Variants in PTPRR observed in about 807,000 individuals in gnomAD.
PTPRR encodes protein tyrosine phosphatase receptor type R, also known as receptor-type tyrosine-protein phosphatase R.
Under a neutral mutation model 77.2 loss-of-function variants are expected in PTPRR, and 38 were observed. The observed-to-expected ratio is 0.49, with a 90% confidence interval of 0.38 to 0.65. The LOEUF is 0.65. PTPRR is among the 30% of genes least tolerant of loss of function. The pLI is 0.00. For synonymous variants in PTPRR, 299 were observed against 283.1 expected (o/e 1.06, Z -0.57); for missense variants, 744 against 799.2 (o/e 0.93, Z 0.83).
intron 8 of PTPRR, among the ~76,000 whole-genome samples, chr12:70,693,528 T>TTG (rs1452912225): frequency 1.3e-5 from 2 of 152,026 alleles, no homozygotes; most frequent in East Asian, 3.9e-4. Flanking sequence ...TAAACTTTTT[T>TTG]TGTGTGTGTG....
chr12:70,739,641 A>G (rs1889981830), intron 6 of PTPRR, among the ~76,000 whole-genome samples: 1 of 152,160 alleles, frequency 6.6e-6, no homozygotes, highest in South Asian at 2.1e-4. Context: ...CACAAGACAA[A>G]CCACTTAAAA....
At chr12:70,917,616 T>C (rs1411641230) in intron 1 of PTPRR, among the ~76,000 whole-genome samples, 1 of 152,068 alleles carries the variant, frequency 6.6e-6, no homozygotes, top group Non-Finnish European at 1.5e-5. Flanking sequence ...CACTCCTCAT[T>C]TTTCTCCCAC....
chr12:70,895,200 C>G (rs1171495698), intron 1 of PTPRR, among the ~76,000 whole-genome samples: 1 of 151,542 alleles, frequency 6.6e-6, no homozygotes, highest in African/African-American at 2.4e-5. Context: ...ACTCTGGATT[C>G]TCTATAAATA....
At chr12:70,699,423 CAGAG>C (rs1348444814) in intron 7 of PTPRR, among the ~76,000 whole-genome samples, 6 of 152,028 alleles carry the variant, frequency 3.9e-5, no homozygotes, top group Non-Finnish European at 7.4e-5. Context: ...GCTTGTTCTA[CAGAG>C]AGAAACAGCT....
intron 1 of PTPRR, among the ~76,000 whole-genome samples, chr12:70,913,464 G>T (rs1388369970): frequency 6.6e-6 from 1 of 152,094 alleles, no homozygotes; most frequent in Admixed American, 6.5e-5. Flanking sequence ...AGTAATCAGG[G>T]TTAGGAGTTC....
intron 10 of PTPRR, among the ~76,000 whole-genome samples, chr12:70,665,781 G>C (rs986988753): frequency 6.7e-6 from 1 of 148,998 alleles, no homozygotes; most frequent in Non-Finnish European, 1.5e-5. Flanking sequence ...TAGTTGTTTA[G>C]TTGCCTGAAA....
At chr12:70,757,337 T>C (rs1232949534) in intron 4 of PTPRR, among the ~76,000 whole-genome samples, 1 of 152,204 alleles carries the variant, frequency 6.6e-6, no homozygotes, top group East Asian at 1.9e-4. Context: ...ACAAAATTCC[T>C]GAATCATTTT....
At chr12:70,697,853 A>T (rs868701188) in intron 8 of PTPRR, among the ~76,000 whole-genome samples, 16 of 152,176 alleles carry the variant, frequency 1.1e-4, no homozygotes, top group Non-Finnish European at 8.8e-5. Context: ...AATGTGTGGC[A>T]CAACAAAATT....
intron 10 of PTPRR, among the ~76,000 whole-genome samples, chr12:70,664,042 G>A (rs1360456043): frequency 6.6e-6 from 1 of 152,130 alleles, no homozygotes; most frequent in East Asian, 1.9e-4. Context: ...CTAGCACAGC[G>A]AAGGAAGTCA....
rs1259203203 is a variant in PTPRR, at chr12:70,754,206, T to A, written c.723A>T (p.Ile241=). ...VVIFLSIFVI[I]VTCLMILYRL... Reference sequence around the variant, plus strand: ...GCAAACTTACCATCAAACACGTTACTATAATAACAAAGATGCTGAGAAAAA... The same window carrying A: ...GCAAACTTACCATCAAACACGTTACAATAATAACAAAGATGCTGAGAAAAA... The change falls in exon 5 of 14, where the codon ATA becomes ATT. Residue 241 remains isoleucine (I), a synonymous_variant. Coordinates refer to ENST00000283228, the MANE Select transcript of PTPRR (RefSeq NM_002849.4). The A allele has an allele frequency of 6.2e-7, 1 of 1,613,370 alleles. No individual in the cohort carries two copies. Among genetic ancestry groups the A allele is most frequent in the South Asian group, 1.1e-5 (1 of 91,042 alleles).
At chr12:70,783,431 C>T (rs1891246811) in intron 2 of PTPRR, among the ~76,000 whole-genome samples, 1 of 152,104 alleles carries the variant, frequency 6.6e-6, no homozygotes, top group Non-Finnish European at 1.5e-5. Flanking sequence ...GAGAGGGTAG[C>T]TCCTCTCTGT....
chr12:70,717,988 G>A (rs1889096866), intron 6 of PTPRR, among the ~76,000 whole-genome samples: 1 of 152,050 alleles, frequency 6.6e-6, no homozygotes, highest in South Asian at 2.1e-4. Flanking sequence ...TTGATTTCTG[G>A]CATGAATAGG....
At chr12:70,869,647 C>T (rs1343312084) in intron 2 of PTPRR, among the ~76,000 whole-genome samples, 2 of 152,026 alleles carry the variant, frequency 1.3e-5, no homozygotes, top group Non-Finnish European at 2.9e-5. Flanking sequence ...CACTGGAGTT[C>T]TTACAAGAGG....
At chr12:70,774,233 A>T (rs1891042659) in intron 2 of PTPRR, among the ~76,000 whole-genome samples, 1 of 152,226 alleles carries the variant, frequency 6.6e-6, no homozygotes, top group African/African-American at 2.4e-5. Context: ...GCTGGCACAC[A>T]GTGTGCCTGA....
In PTPRR at chr12:70,667,189, G is replaced by A. The variant is rs113542497; in HGVS notation, c.1498-4584C>T. ...GCCAGGATAGTCTCGATCTCCTGAC[G>A]TCGTGATCCTCCTGCCTTGGCCTCC... On this transcript the variant is annotated intron_variant, in intron 10 of 13. Transcript: ENST00000283228. Among the ~76,000 whole-genome samples, 1,131 of 151,854 alleles carry A rather than the reference G, an allele frequency of 7.4e-3. 16 individuals carry two copies. Among genetic ancestry groups the A allele is most frequent in the African/African-American group, 0.026 (1,075 of 41,436 alleles).
At chr12:70,902,229 A>G (rs1893547676) in intron 1 of PTPRR, among the ~76,000 whole-genome samples, 1 of 151,910 alleles carries the variant, frequency 6.6e-6, no homozygotes, top group African/African-American at 2.4e-5. Flanking sequence ...AATGTAAACT[A>G]GTACAGCCAC....
At chr12:70,764,843 A>C in intron 2 of PTPRR, 65 bp from the exon 3 acceptor site, 2 of 1,202,030 alleles carry the variant, frequency 1.7e-6, no homozygotes, top group Non-Finnish European at 2.4e-6. Flanking sequence ...TATAGAATAC[A>C]TCCAAATAAG....
intron 2 of PTPRR, among the ~76,000 whole-genome samples, chr12:70,769,168 G>C (rs1176308393): frequency 1.4e-5 from 2 of 144,938 alleles, no homozygotes; most frequent in African/African-American, 5.4e-5. Context: ...AGGGCAATTA[G>C]GCAGGAGAAG....
intron 4 of PTPRR, chr12:70,754,813 T>A: frequency 1.9e-6 from 1 of 521,208 alleles, no homozygotes; most frequent in Non-Finnish European, 2.6e-6. Context: ...TAATCACATC[T>A]TTTTTTTTTT....
Sources: allele counts gnomAD v4.1 joint callset (sites outside exome capture counted in the v4.1 genomes callset), GRCh38; gene constraint gnomAD v4.1.1; transcripts MANE v1.5; gene names NCBI Gene and HGNC (gene_info 2026-07-23, HGNC 2026-07-21).